ITGB3: variants seen among roughly 807,000 people sequenced by gnomAD.
ITGB3 encodes integrin subunit beta 3.
In ITGB3, 48 loss-of-function variants were observed where a neutral mutation model predicts 85.8. The ratio of observed to expected loss-of-function variants is 0.56; its 90% CI spans 0.44 to 0.71. The LOEUF is 0.71. Ranked by LOEUF, ITGB3 falls within the 30% of genes least tolerant of loss-of-function variation. ITGB3 has a pLI of 0.00. For synonymous variants in ITGB3, 363 were observed against 395.6 expected, an observed-to-expected ratio of 0.92 and a Z score of 0.98; for missense variants, 861 against 1,019.1, an observed-to-expected ratio of 0.84 and a Z score of 2.11.
intron 14 of ITGB3, among the ~76,000 whole-genome samples, chr17:47,308,297 T>G (rs2065197917): frequency 6.6e-6 from 1 of 152,120 alleles, no homozygotes; most frequent in Non-Finnish European, 1.5e-5. Context: ...TCTTACTCTA[T>G]TCTCTTTTGG....
Position 47,274,429 on chromosome 17 carries a change from C to G in ITGB3, c.90C>G (p.Ile30Met). 6.2e-7 allele frequency: 1 copy of G among 1,613,172 alleles called. No homozygotes were observed. Among genetic ancestry groups the G allele is most frequent in the Non-Finnish European group, 8.5e-7 (1 of 1,179,948 alleles). Residue 30 changes from isoleucine to methionine, a missense_variant, in exon 2 of 15, where the codon ATC (isoleucine) becomes ATG (methionine). Physicochemically the swap from Ile to Met is conservative, Grantham distance 10 (BLOSUM62 1). Transcript: ENST00000559488. ...GTCTGTCTGTTGCAGGGCCCAACATCTGTACCACGCGAGGTGTGAGCTCCT... is the reference window on the plus strand; with the variant it reads ...GTCTGTCTGTTGCAGGGCCCAACATGTGTACCACGCGAGGTGTGAGCTCCT... Reference protein sequence around the residue: ...LAGVGVGGPNICTTRGVSSCQ... With the variant: ...LAGVGVGGPNMCTTRGVSSCQ...
intron 10 of ITGB3, among the ~76,000 whole-genome samples, chr17:47,294,355 G>C (rs2065138107): frequency 6.6e-6 from 1 of 152,238 alleles, no homozygotes; most frequent in Non-Finnish European, 1.5e-5. Flanking sequence ...TGGACCACGG[G>C]GGCACCCCCA....
intron 14 of ITGB3, among the ~76,000 whole-genome samples, chr17:47,308,160 A>AAATAATAATAATAATAATAATAAT (rs200038305): frequency 0.017 from 2,378 of 138,522 alleles, 47 homozygotes; most frequent in African/African-American, 0.022. Context: ...TCGGTCTCAA[A>AAATAATAATAATAATAATAATAAT]AATAATAATA....
chr17:47,289,640 A>G, intron 6 of ITGB3, 41 bp from the exon 7 acceptor site: 4 of 1,391,576 alleles, frequency 2.9e-6, no homozygotes, highest in Non-Finnish European at 3.1e-6. Flanking sequence ...CTAGAGATGT[A>G]CATGAGACGT....
At chr17:47,292,681 G>A in intron 10 of ITGB3, 113 bp downstream of exon 10, 1 of 1,080,198 alleles carries the variant, frequency 9.3e-7, no homozygotes, top group Non-Finnish European at 1.4e-6. Flanking sequence ...AGAGGTGTAA[G>A]TCAGTGGTTC....
At chr17:47,264,158 AG>A (rs944651544) in intron 1 of ITGB3, among the ~76,000 whole-genome samples, 2 of 152,212 alleles carry the variant, frequency 1.3e-5, no homozygotes, top group African/African-American at 4.8e-5. Flanking sequence ...ATTTTAGGTT[AG>A]CTCTGGAGGT....
chr17:47,310,143 A>G lies in ITGB3; in HGVS notation c.2306A>G (p.Asn769Ser), dbSNP rs760802957. 3.1e-6 allele frequency: 5 copies of G among 1,613,972 alleles called. No homozygotes were observed. In the East Asian group the frequency reaches 1.1e-4, roughly 36 times the overall value. The change falls in exon 15 of 15, where the codon AAC (asparagine) becomes AGC (serine). Residue 769 changes from asparagine to serine, a missense_variant. Coordinates refer to ENST00000559488, the MANE Select transcript of ITGB3 (RefSeq NM_000212.3). Reference protein sequence around the residue: ...ERARAKWDTANNPLYKEATST... With the variant: ...ERARAKWDTASNPLYKEATST... ...GCTATTCTGTTTCCTCCACAGGCCA[A>G]CAACCCACTGTATAAAGAGGCCACG... is the stretch of plus-strand genomic sequence containing the variant.
intron 12 of ITGB3, among the ~76,000 whole-genome samples, chr17:47,302,199 G>A (rs1407709813): frequency 6.6e-6 from 1 of 152,032 alleles, no homozygotes; most frequent in Admixed American, 6.6e-5. Flanking sequence ...AGGTATACTG[G>A]ATCAGAAACA....
In ITGB3 at chr17:47,310,296, A is replaced by C; in HGVS notation, c.*92A>C. 1.5e-6 allele frequency: 2 copies of C among 1,303,808 alleles called. No individual in the cohort carries two copies. Among genetic ancestry groups the C allele is most frequent in the Non-Finnish European group, 2.2e-6 (2 of 903,326 alleles). 80.8% of individuals were successfully genotyped at this position (1,303,808 alleles called of 1,614,324 possible). A position where few individuals can be genotyped will look rare whatever the true frequency, so the allele number is the denominator to read the frequency against. Reference sequence around the variant, plus strand: ...TTTACAGAGGACAGTATTTGTGGGGAGGGATTTGGGGCTCAGAGTGGGGTA... The same window carrying C: ...TTTACAGAGGACAGTATTTGTGGGGCGGGATTTGGGGCTCAGAGTGGGGTA... On this transcript the variant is annotated 3_prime_UTR_variant, in exon 15 of 15. Coordinates refer to ENST00000559488, the MANE Select transcript of ITGB3 (RefSeq NM_000212.3).
chr17:47,269,175 C>T (rs2065035791), intron 1 of ITGB3, among the ~76,000 whole-genome samples: 1 of 152,176 alleles, frequency 6.6e-6, no homozygotes, highest in Non-Finnish European at 1.5e-5. Flanking sequence ...CCATTTTTTC[C>T]TCTTAGGCCT....
chr17:47,306,677 T>C lies in ITGB3; in HGVS notation c.2135-794T>C, dbSNP rs184863427. Among the ~76,000 whole-genome samples, 27 of 151,438 alleles carry C rather than the reference T, an allele frequency of 1.8e-4. No homozygotes were observed. In the South Asian group the frequency reaches 4.6e-3, roughly 26 times the overall value. On this transcript the variant is annotated intron_variant, in intron 13 of 14. Coordinates refer to ENST00000559488, the MANE Select transcript of ITGB3 (RefSeq NM_000212.3). ...GTCAATTTTTTATTTCTTATTCATT[T>C]ATTTATTTATTTATTTATTTTGAGA...
chr17:47,300,338 C>CGTGTGTGT (rs79567369), intron 11 of ITGB3, 140 bp from the exon 12 acceptor site: 16 of 665,876 alleles, frequency 2.4e-5, no homozygotes, highest in African/African-American at 1.9e-4. Context: ...CTTACAGGCG[C>CGTGTGTGT]GCGCGCGCGT....
intron 1 of ITGB3, among the ~76,000 whole-genome samples, chr17:47,255,863 A>G (rs1408340216): frequency 6.6e-6 from 1 of 152,200 alleles, no homozygotes; most frequent in East Asian, 1.9e-4. Flanking sequence ...TATGACACAG[A>G]AATAAGAATC....
chr17:47,266,961 G>A (rs61131650), intron 1 of ITGB3, among the ~76,000 whole-genome samples: 40,696 of 151,910 alleles, frequency 0.27, 5,757 homozygotes, highest in African/African-American at 0.34. Flanking sequence ...CTGGCTCCAC[G>A]CTCCCACGAC....
chr17:47,263,097 A>G (rs2065014043), intron 1 of ITGB3, among the ~76,000 whole-genome samples: 1 of 152,178 alleles, frequency 6.6e-6, no homozygotes, highest in Non-Finnish European at 1.5e-5. Context: ...TTGAGGTCAT[A>G]CGGCCAGAGG....
At position 47,303,033 on chromosome 17, in the gene ITGB3, G is replaced by A. The variant is rs1969267; in HGVS notation, c.2134+193G>A. Among the ~76,000 whole-genome samples, 108,089 of 152,074 alleles carry A rather than the reference G, an allele frequency of 0.71. 38,729 individuals are homozygous for A. Among genetic ancestry groups the A allele is most frequent in the East Asian group, 0.82 (4,225 of 5,178 alleles). ...AAGGCCATGGTGGGTGGATCGTCTGGGGTCAGGAGTTCAATACCAGCCTGG... is the reference window on the plus strand; with the variant it reads ...AAGGCCATGGTGGGTGGATCGTCTGAGGTCAGGAGTTCAATACCAGCCTGG... On this transcript the variant is annotated intron_variant, in intron 13 of 14. Coordinates refer to ENST00000559488, the MANE Select transcript of ITGB3 (RefSeq NM_000212.3).
At chr17:47,265,036 C>T (rs1234325524) in intron 1 of ITGB3, among the ~76,000 whole-genome samples, 1 of 152,154 alleles carries the variant, frequency 6.6e-6, no homozygotes, top group East Asian at 1.9e-4. Flanking sequence ...GTGCCTGGCA[C>T]AGGTAGATGC....
intron 1 of ITGB3, among the ~76,000 whole-genome samples, chr17:47,272,381 T>C (rs1333038462): frequency 6.6e-6 from 1 of 152,072 alleles, no homozygotes; most frequent in Non-Finnish European, 1.5e-5. Context: ...ATAATATACA[T>C]TGTTCTCATC....
intron 2 of ITGB3, among the ~76,000 whole-genome samples, chr17:47,277,200 C>T (rs762497684): frequency 5.3e-5 from 8 of 152,084 alleles, no homozygotes; most frequent in African/African-American, 9.7e-5. Context: ...AGACTCAACG[C>T]GTAGTCTTAG....
Sources: allele counts gnomAD v4.1 joint callset (sites outside exome capture counted in the v4.1 genomes callset), GRCh38; gene constraint gnomAD v4.1.1; transcripts MANE v1.5; gene names NCBI Gene and HGNC (gene_info 2026-07-23, HGNC 2026-07-21).